Variants in DPH6 observed in about 807,000 individuals in gnomAD.
DPH6 encodes the protein diphthine--ammonia ligase.
In DPH6, 33 loss-of-function variants were observed where a neutral mutation model predicts 38.2. The observed-to-expected ratio is 0.86, with a 90% CI of 0.65 to 1.15. DPH6 has a LOEUF of 1.15. DPH6 is among the 50% of genes most tolerant of loss of function. The pLI, the probability that DPH6 is intolerant of heterozygous loss-of-function variation, is 0.00. For synonymous variants in DPH6, 108 were observed against 103.0 expected, an observed-to-expected ratio of 1.05 and a Z score of -0.30; for missense variants, 325 against 320.0, an observed-to-expected ratio of 1.02 and a Z score of -0.12.
At chr15:35,533,824 C>T (rs889018102) in intron 3 of DPH6, among the ~76,000 whole-genome samples, 7 of 151,934 alleles carry the variant, frequency 4.6e-5, no homozygotes, top group Non-Finnish European at 8.8e-5. Context: ...CATGACTGAT[C>T]AGTCAGCACA....
intron 3 of DPH6, among the ~76,000 whole-genome samples, chr15:35,310,115 C>G (rs974038499): frequency 6.6e-6 from 1 of 152,134 alleles, no homozygotes; most frequent in Non-Finnish European, 1.5e-5. Context: ...CAGAATGAAA[C>G]TCATCCATCA....
chr15:35,285,549 T>A (rs1566859692), intron 3 of DPH6, among the ~76,000 whole-genome samples: 1 of 152,206 alleles, frequency 6.6e-6, no homozygotes, highest in Non-Finnish European at 1.5e-5. Context: ...TGTGTAACTG[T>A]AAGTAAATTA....
At chr15:35,335,362 G>GT (rs886679468) in intron 3 of DPH6, among the ~76,000 whole-genome samples, 8 of 151,900 alleles carry the variant, frequency 5.3e-5, no homozygotes, top group Non-Finnish European at 1.0e-4. Context: ...TTTGTTGATA[G>GT]TTTTTTTATT....
chr15:35,375,267 T>G (rs2052765347), intron 7 of DPH6, among the ~76,000 whole-genome samples: 1 of 152,094 alleles, frequency 6.6e-6, no homozygotes, highest in Non-Finnish European at 1.5e-5. Flanking sequence ...TATATGACAT[T>G]CTGAGCACTA....
rs71415001 is a variant in DPH6, at chr15:35,227,174, C to CTTTTTTT, written n.201-6599_201-6593dup. Among the ~76,000 whole-genome samples, 29 of 77,080 alleles carry CTTTTTTT rather than the reference C, an allele frequency of 3.8e-4. 1 individual carries two copies. The highest frequency in any genetic ancestry group is 1.6e-3 in the East Asian group (3 of 1,934). 50.6% of individuals were successfully genotyped at this position (77,080 alleles called of 152,430 possible). ...TCTGCAATATCAGTTATAACATCTTCTTTTTTTTTTTTTTTTTTTTTTTTT... is the reference window on the plus strand; with the variant it reads ...TCTGCAATATCAGTTATAACATCTTCTTTTTTTTTTTTTTTTTTTTTTTTTTTTTTTT... On this transcript the variant is annotated intron_variant and non_coding_transcript_variant, in intron 3 of 3. Coordinates refer to the DPH6 transcript ENST00000560386.
intron 3 of DPH6, among the ~76,000 whole-genome samples, chr15:35,503,658 T>C (rs1566933634): frequency 6.6e-6 from 1 of 152,166 alleles, no homozygotes; most frequent in Non-Finnish European, 1.5e-5. Flanking sequence ...GTTCCTTTTC[T>C]AACCTGTATC....
intron 3 of DPH6, among the ~76,000 whole-genome samples, chr15:35,335,288 T>A (rs779299475): frequency 6.6e-6 from 1 of 152,214 alleles, no homozygotes; most frequent in Admixed American, 6.5e-5. Flanking sequence ...ACTCTGTATA[T>A]TAGGCCTTTG....
intron 3 of DPH6, among the ~76,000 whole-genome samples, chr15:35,469,870 T>G (rs925603525): frequency 6.6e-6 from 1 of 151,884 alleles, no homozygotes; most frequent in Non-Finnish European, 1.5e-5. Flanking sequence ...GAACATACAT[T>G]TACAAAGTGG....
chr15:35,313,782 C>T (rs1378315614), intron 3 of DPH6, among the ~76,000 whole-genome samples: 1 of 152,120 alleles, frequency 6.6e-6, no homozygotes, highest in Non-Finnish European at 1.5e-5. Flanking sequence ...TATTCATACA[C>T]AAAAATTGAA....
chr15:35,428,411 T>C (rs1045563257), intron 5 of DPH6, among the ~76,000 whole-genome samples: 1 of 152,016 alleles, frequency 6.6e-6, no homozygotes, highest in African/African-American at 2.4e-5. Flanking sequence ...CAAGGAAGAA[T>C]GGAATTTCTC....
chr15:35,239,220 CT>C (rs1383445194), intron 3 of DPH6, among the ~76,000 whole-genome samples: 1 of 144,018 alleles, frequency 6.9e-6, no homozygotes, highest in African/African-American at 2.5e-5. Flanking sequence ...TAAGCGGCCT[CT>C]TTTTACTCTC....
chr15:35,456,518 T>TG (rs2053999545), intron 3 of DPH6, among the ~76,000 whole-genome samples: 1 of 150,882 alleles, frequency 6.6e-6, no homozygotes, highest in African/African-American at 2.4e-5. Context: ...GATGGAGTCT[T>TG]GCTCTGCCAC....
At chr15:35,148,527 T>C in the DPH6 span, among the ~76,000 whole-genome samples, 1 of 152,188 alleles carries the variant, frequency 6.6e-6, no homozygotes, top group East Asian at 1.9e-4. Context: ...TTATTCACAA[T>C]TAGAAACCTA....
At chr15:35,386,563 TG>T (rs1307035478) in intron 6 of DPH6, among the ~76,000 whole-genome samples, 17 of 152,204 alleles carry the variant, frequency 1.1e-4, no homozygotes, top group African/African-American at 2.4e-5. Flanking sequence ...GGTATCTCAT[TG>T]TGGTTTTGAT....
chr15:35,413,894 T>C (rs141603421), intron 5 of DPH6, among the ~76,000 whole-genome samples: 2 of 151,830 alleles, frequency 1.3e-5, no homozygotes, highest in East Asian at 3.9e-4. Context: ...CTGATCAGAA[T>C]GCTATAGAGT....
intron 3 of DPH6, among the ~76,000 whole-genome samples, chr15:35,351,611 T>C (rs1401156555): frequency 2.0e-5 from 3 of 152,182 alleles, no homozygotes; most frequent in East Asian, 3.8e-4. Flanking sequence ...AAATATTTTA[T>C]GGTTACATCA....
intron 6 of DPH6, among the ~76,000 whole-genome samples, chr15:35,382,161 C>T (rs1982490): frequency 0.47 from 71,303 of 152,084 alleles, 20,687 homozygotes; most frequent in Non-Finnish European, 0.63. Context: ...AGAGGCCAGG[C>T]GCGTTGGCTC....
chr15:35,442,675 A>G (rs2053803021), intron 5 of DPH6, among the ~76,000 whole-genome samples: 1 of 152,224 alleles, frequency 6.6e-6, no homozygotes, highest in Non-Finnish European at 1.5e-5. Flanking sequence ...TTGTAACAGA[A>G]TATTATATGG....
the DPH6 span, among the ~76,000 whole-genome samples, chr15:35,180,534 C>T: frequency 4.6e-5 from 7 of 152,140 alleles, no homozygotes; most frequent in African/African-American, 1.7e-4. Flanking sequence ...GATCATGGCT[C>T]ACTGCAGCCT....
Sources: allele counts gnomAD v4.1 joint callset (sites outside exome capture counted in the v4.1 genomes callset), GRCh38; gene constraint gnomAD v4.1.1; transcripts MANE v1.5; gene names NCBI Gene and HGNC (gene_info 2026-07-23, HGNC 2026-07-21).